The following SF3A3 variants were observed in gnomAD, a reference collection of about 807,000 sequenced individuals.
The protein encoded by SF3A3 is splicing factor 3a subunit 3, also known as SAP 61.
A neutral mutation model predicts 85.8 loss-of-function variants in SF3A3; 9 were observed. The observed-to-expected ratio is 0.10, with a 90% CI of 0.06 to 0.18. The LOEUF (loss-of-function observed/expected upper bound fraction) is 0.18, where lower values mean the gene tolerates loss of function less well. Among genes scored for constraint, SF3A3 ranks in the 10% least tolerant of loss-of-function variants. The probability of loss-of-function intolerance (pLI) is 1.00; values close to 1 mark genes in which losing one functional copy is unlikely to be tolerated. For missense variants in SF3A3, 306 were observed against 593.3 expected, an observed-to-expected ratio of 0.52 and a Z score of 5.03; for synonymous variants, 195 against 204.4, an observed-to-expected ratio of 0.95 and a Z score of 0.39.
intron 12 of SF3A3, among the ~76,000 whole-genome samples, chr1:37,975,972 T>C (rs947800858): frequency 6.6e-6 from 1 of 152,106 alleles, no homozygotes; most frequent in African/African-American, 2.4e-5. Flanking sequence ...CTGACCAATA[T>C]GGTGAAACCC....
chr1:37,978,164 C>G (rs925921447), intron 11 of SF3A3, among the ~76,000 whole-genome samples: 4 of 151,494 alleles, frequency 2.6e-5, no homozygotes, highest in Admixed American at 2.6e-4. Flanking sequence ...ATGATGAAAC[C>G]CCATCTCTAC....
At chr1:37,985,025 C>A (rs1191041800) in intron 4 of SF3A3, among the ~76,000 whole-genome samples, 6 of 152,196 alleles carry the variant, frequency 3.9e-5, no homozygotes, top group Admixed American at 2.6e-4. Flanking sequence ...CCAGGCTGGT[C>A]TCAAACTCCT....
chr1:37,987,078 C>T lies in SF3A3; in HGVS notation c.303+495G>A, dbSNP rs370312858. ...GCTGGGAGCTGCCCACAAAATGTGG[C>T]CTTGACTTCTTTTTTTTGAGACAAA... On this transcript the variant is annotated intron_variant, in intron 4 of 16. Transcript: ENST00000373019. Among the ~76,000 whole-genome samples the T allele has an allele frequency of 2.6e-5, 4 of 151,756 alleles. 1 individual carries two copies. Among genetic ancestry groups the T allele is most frequent in the African/African-American group, 7.2e-5 (3 of 41,502 alleles).
chr1:37,965,667 T>C (rs1399507683), intron 15 of SF3A3, among the ~76,000 whole-genome samples: 5 of 151,732 alleles, frequency 3.3e-5, no homozygotes, highest in Non-Finnish European at 7.4e-5. Flanking sequence ...AGTGGGAGGA[T>C]CACTTGAGCC....
chr1:37,961,254 ACT>A (rs1369171734), intron 15 of SF3A3, among the ~76,000 whole-genome samples: 20 of 152,198 alleles, frequency 1.3e-4, no homozygotes, highest in Non-Finnish European at 2.9e-4. Flanking sequence ...TAGGTGCTCA[ACT>A]AATCAACTTT....
intron 16 of SF3A3, among the ~76,000 whole-genome samples, chr1:37,958,915 A>T (rs1646237891): frequency 6.6e-6 from 1 of 152,166 alleles, no homozygotes; most frequent in African/African-American, 2.4e-5. Context: ...CCATCATAAG[A>T]CCAACAAGGA....
intron 11 of SF3A3, among the ~76,000 whole-genome samples, chr1:37,977,981 C>T (rs1357307143): frequency 6.6e-6 from 1 of 152,064 alleles, no homozygotes; most frequent in Admixed American, 6.6e-5. Context: ...TGTGCCACTG[C>T]ACTCCAGCCT....
chr1:37,986,393 T>TGCCTTTCTG (rs1363214018), intron 4 of SF3A3, among the ~76,000 whole-genome samples: 1 of 152,230 alleles, frequency 6.6e-6, no homozygotes, highest in African/African-American at 2.4e-5. Flanking sequence ...ACACCATGAC[T>TGCCTTTCTG]GCCTTTCTGA....
intron 12 of SF3A3, among the ~76,000 whole-genome samples, chr1:37,974,696 T>G (rs1174912487): frequency 6.6e-6 from 1 of 152,212 alleles, no homozygotes; most frequent in Non-Finnish European, 1.5e-5. Context: ...AACCCAAATC[T>G]GTAGTGGCAC....
chr1:37,989,834 T>G (rs777386823), intron 1 of SF3A3, 36 bp downstream of exon 1: 1 of 1,507,718 alleles, frequency 6.6e-7, no homozygotes, highest in Non-Finnish European at 9.2e-7. Flanking sequence ...TAGAGGCTCG[T>G]GCTCCTGCCG....
chr1:37,983,596 A>AAAAAAAAAAAAAAAAAAAAAAAAC (rs1646435655), intron 6 of SF3A3, among the ~76,000 whole-genome samples: 1 of 148,264 alleles, frequency 6.7e-6, no homozygotes, highest in African/African-American at 2.5e-5. Flanking sequence ...CAAAAAAAAA[A>AAAAAAAAAAAAAAAAAAAAAAAAC]AAAAAAAAAA....
intron 4 of SF3A3, among the ~76,000 whole-genome samples, chr1:37,985,806 C>T (rs79083368): frequency 0.016 from 2,460 of 152,204 alleles, 74 homozygotes; most frequent in African/African-American, 0.057. Context: ...CCTTCATTTA[C>T]CTCCGCGCTA....
chr1:37,958,019 C>T lies in SF3A3; in HGVS notation c.*167G>A. 1.7e-6 allele frequency: 1 copy of T among 601,758 alleles called. No homozygotes were observed. Among genetic ancestry groups the T allele is most frequent in the East Asian group, 2.8e-5 (1 of 36,200 alleles). 37.3% of individuals were successfully genotyped at this position (601,758 alleles called of 1,614,324 possible). ...TTTAAAATATAAAACAGATAAAACA[C>T]ATCTCAACCCTGCAATCTGCCAGCA... On this transcript the variant is annotated 3_prime_UTR_variant, in exon 17 of 17. Coordinates refer to ENST00000373019, the MANE Select transcript of SF3A3 (RefSeq NM_006802.4).
intron 15 of SF3A3, among the ~76,000 whole-genome samples, chr1:37,962,286 A>C (rs1430191511): frequency 7.2e-4 from 2 of 2,796 alleles, no homozygotes; most frequent in African/African-American, 5.3e-3. Context: ...CGAGACTGTC[A>C]AAAAAAAAAA....
At chr1:37,962,543 C>T (rs1024163849) in intron 15 of SF3A3, among the ~76,000 whole-genome samples, 1 of 136,156 alleles carries the variant, frequency 7.3e-6, no homozygotes, top group Non-Finnish European at 1.5e-5. Context: ...GTGGAGGTTG[C>T]AGTGGGCCGA....
intron 15 of SF3A3, among the ~76,000 whole-genome samples, chr1:37,961,158 CAG>C: frequency 6.6e-6 from 1 of 152,174 alleles, no homozygotes; most frequent in Non-Finnish European, 1.5e-5. Flanking sequence ...AGAAATATCA[CAG>C]AGAGACAGTT....
At chr1:37,988,140 T>C (rs1012010838) in intron 2 of SF3A3, among the ~76,000 whole-genome samples, 1 of 152,204 alleles carries the variant, frequency 6.6e-6, no homozygotes, top group Non-Finnish European at 1.5e-5. Flanking sequence ...TAACTTCCCC[T>C]GTAACAGACT....
At chr1:37,959,688 G>A (rs1646243686) in intron 16 of SF3A3, among the ~76,000 whole-genome samples, 1 of 151,950 alleles carries the variant, frequency 6.6e-6, no homozygotes, top group Non-Finnish European at 1.5e-5. Flanking sequence ...AGTGATTCTC[G>A]TGCCTAGGCC....
chr1:37,961,759 C>CAAAAAAAAAAAAAAAAAA (rs10699691), intron 15 of SF3A3, among the ~76,000 whole-genome samples: 12 of 37,794 alleles, frequency 3.2e-4, no homozygotes, highest in East Asian at 2.6e-3. Context: ...GCAAGACTGC[C>CAAAAAAAAAAAAAAAAAA]AAAAAAAAAA....
Sources: allele counts gnomAD v4.1 joint callset (sites outside exome capture counted in the v4.1 genomes callset), GRCh38; gene constraint gnomAD v4.1.1; transcripts MANE v1.5; gene names NCBI Gene and HGNC (gene_info 2026-07-23, HGNC 2026-07-21).